NOP58: variants seen among roughly 807,000 people sequenced by gnomAD.
The protein encoded by NOP58 is NOP58 ribonucleoprotein.
A neutral mutation model predicts 71.2 loss-of-function variants in NOP58; 44 were observed. The observed-to-expected ratio is 0.62, with a 90% CI of 0.49 to 0.79. NOP58 has a LOEUF of 0.79. NOP58 is among the 30% of genes least tolerant of loss of function. NOP58 has a pLI of 0.00. For synonymous variants in NOP58, 228 were observed against 200.3 expected (o/e 1.14, Z -1.17); for missense variants, 538 against 620.2 (o/e 0.87, Z 1.41).
At chr2:202,299,374 A>T (rs1689052116) in intron 12 of NOP58, among the ~76,000 whole-genome samples, 1 of 152,194 alleles carries the variant, frequency 6.6e-6, no homozygotes, top group Non-Finnish European at 1.5e-5. Context: ...TCTGGAAAGA[A>T]ATCAAATGTG....
chr2:202,297,028 C>A (rs888968535), intron 10 of NOP58, among the ~76,000 whole-genome samples: 2 of 152,156 alleles, frequency 1.3e-5, no homozygotes, highest in Non-Finnish European at 2.9e-5. Flanking sequence ...CCACCGCGCT[C>A]GGCCAGAACC....
intron 6 of NOP58, among the ~76,000 whole-genome samples, chr2:202,289,214 A>T (rs868718355): frequency 5.9e-5 from 9 of 152,210 alleles, no homozygotes; most frequent in Admixed American, 2.0e-4. Flanking sequence ...TTGTACACCT[A>T]TGTTCATAAC....
intron 13 of NOP58, among the ~76,000 whole-genome samples, chr2:202,302,007 G>T (rs1397319885): frequency 4.7e-5 from 7 of 149,962 alleles, no homozygotes; most frequent in African/African-American, 1.7e-4. Flanking sequence ...GAATTGTTTA[G>T]TACAGAGTCT....
At chr2:202,288,256 G>A (rs974866660) in intron 6 of NOP58, among the ~76,000 whole-genome samples, 1 of 151,246 alleles carries the variant, frequency 6.6e-6, no homozygotes, top group Non-Finnish European at 1.5e-5. Flanking sequence ...AGGCTGAGGC[G>A]GGAGGATCAC....
intron 9 of NOP58, 133 bp downstream of exon 9, chr2:202,293,036 A>T: frequency 2.2e-6 from 2 of 915,134 alleles, no homozygotes; most frequent in Non-Finnish European, 3.6e-6. Flanking sequence ...TATGTGGGAG[A>T]TCACTAAGGG....
intron 1 of NOP58, among the ~76,000 whole-genome samples, chr2:202,268,592 G>A (rs545675870): frequency 6.6e-6 from 1 of 151,640 alleles, no homozygotes; most frequent in African/African-American, 2.4e-5. Flanking sequence ...AATGCTTTAG[G>A]AAGTTTTTTG....
chr2:202,298,462 C>T (rs374209837), intron 12 of NOP58, among the ~76,000 whole-genome samples: 1 of 152,068 alleles, frequency 6.6e-6, no homozygotes, highest in East Asian at 1.9e-4. Context: ...ACAGGCCTGG[C>T]CAACATGGTG....
chr2:202,290,520 AT>A, intron 7 of NOP58, 63 bp downstream of exon 7: 1 of 1,398,116 alleles, frequency 7.2e-7, no homozygotes, highest in Non-Finnish European at 9.8e-7. Flanking sequence ...ATCCTAAAAC[AT>A]GACGTATAGC....
At chr2:202,287,520 T>G in intron 5 of NOP58, 140 bp from the exon 6 acceptor site, 1 of 604,782 alleles carries the variant, frequency 1.7e-6, no homozygotes, top group Non-Finnish European at 2.9e-6. Flanking sequence ...TAGCTGATTT[T>G]TCTTCTTAGA....
rs1275369981 is a variant in NOP58, at chr2:202,295,764, G to C, written c.998G>C (p.Arg333Pro). 6.2e-7 allele frequency: 1 copy of C among 1,611,546 alleles called. No individual in the cohort carries two copies. Reference protein sequence around the residue: ...KALFRALKSRRDTPKYGLIYH... With the variant: ...KALFRALKSRPDTPKYGLIYH... ...CTTTTCAGAGCCCTCAAATCTAGAC[G>C]GGATACCCCTAAGTATGGTCTCATT... Residue 333 changes from arginine to proline, a missense_variant, in exon 10 of 15, where the codon CGG (arginine) becomes CCG (proline). Coordinates refer to ENST00000264279, the MANE Select transcript of NOP58 (RefSeq NM_015934.5).
At chr2:202,297,602 T>C (rs1689015330) in intron 11 of NOP58, 89 bp downstream of exon 11, 1 of 1,304,108 alleles carries the variant, frequency 7.7e-7, no homozygotes, top group African/African-American at 1.5e-5. Context: ...TGCTAAACAG[T>C]TTTATGATAC....
At chr2:202,277,578 A>C (rs1181787763) in intron 2 of NOP58, among the ~76,000 whole-genome samples, 2 of 152,152 alleles carry the variant, frequency 1.3e-5, no homozygotes, top group Admixed American at 6.6e-5. Context: ...AGACAAATGA[A>C]TATCATGAGA....
intron 8 of NOP58, chr2:202,291,479 C>T (rs1468678286): frequency 2.9e-5 from 11 of 375,902 alleles, no homozygotes; most frequent in East Asian, 8.5e-5. Flanking sequence ...TTACAATCAT[C>T]GTCTGAATAA....
At chr2:202,275,962 C>T (rs909193550) in intron 2 of NOP58, among the ~76,000 whole-genome samples, 4 of 152,204 alleles carry the variant, frequency 2.6e-5, no homozygotes, top group Non-Finnish European at 5.9e-5. Context: ...AGCCACCACA[C>T]CTGGCCTAAA....
In NOP58 at chr2:202,275,197, CT is replaced by C; in HGVS notation, c.122+9del. ...AGAGAAAGCAAACAAAATGTAAGTA[CT>C]CTTGAAATCAATAATTTAGCAGTTA... On this transcript the variant is annotated intron_variant, in intron 2 of 14. Coordinates refer to ENST00000264279, the MANE Select transcript of NOP58 (RefSeq NM_015934.5). The C allele has an allele frequency of 7.0e-7, 1 of 1,419,846 alleles. No homozygotes were observed. Among genetic ancestry groups the C allele is most frequent in the Non-Finnish European group, 9.8e-7 (1 of 1,021,538 alleles). The allele number at this position is 1,419,846 out of a possible 1,614,324, so 88.0% of individuals were successfully genotyped here.
At chr2:202,274,222 TG>T (rs576272691) in intron 1 of NOP58, among the ~76,000 whole-genome samples, 109 of 152,072 alleles carry the variant, frequency 7.2e-4, no homozygotes, top group African/African-American at 2.6e-3. Flanking sequence ...AAGTTTTTTT[TG>T]TTTTTTGTTT....
At chr2:202,280,517 G>T (rs929554078) in intron 3 of NOP58, among the ~76,000 whole-genome samples, 2 of 152,124 alleles carry the variant, frequency 1.3e-5, no homozygotes, top group Non-Finnish European at 2.9e-5. Context: ...TTTTTTAGTA[G>T]AGACGGGGTT....
Position 202,292,705 on chromosome 2 carries a change from G to A in NOP58, c.781-72G>A, listed in dbSNP as rs1688924261. ...TGCTCTTTCATAATTGAGGGCTCCA[G>A]TGTTTTAGACAGGAATTTTTACTGT... is the stretch of plus-strand genomic sequence containing the variant. On this transcript the variant is annotated intron_variant, in intron 8 of 14. Coordinates refer to ENST00000264279, the MANE Select transcript of NOP58 (RefSeq NM_015934.5). 12 of 1,241,888 alleles carry A rather than the reference G, an allele frequency of 9.7e-6. No individual in the cohort carries two copies. The South Asian group carries it at 1.2e-4, about 13-fold the overall frequency. The allele number at this position is 1,241,888 out of a possible 1,614,324, so 76.9% of individuals were successfully genotyped here. A position where few individuals can be genotyped will look rare whatever the true frequency, so the allele number is the denominator to read the frequency against.
chr2:202,286,241 C>T (rs953027449), intron 5 of NOP58, among the ~76,000 whole-genome samples: 5 of 150,216 alleles, frequency 3.3e-5, no homozygotes, highest in South Asian at 2.1e-4. Context: ...TGGCTCACGC[C>T]TGTAATACAT....
Sources: gnomAD v4.1 joint callset for allele counts (sites outside exome capture counted in the v4.1 genomes callset) on GRCh38, gnomAD v4.1.1 for gene constraint, MANE v1.5 for transcripts, NCBI Gene and HGNC (gene_info 2026-07-23, HGNC 2026-07-21) for gene names.